RTN4: variants seen among roughly 807,000 people sequenced by gnomAD.
The protein encoded by RTN4 is reticulon 4, also known as reticulon-4.
A neutral mutation model predicts 90.4 loss-of-function variants in RTN4; 32 were observed. The observed-to-expected ratio is 0.35, with a 90% CI of 0.27 to 0.48. The LOEUF is 0.48. RTN4 is among the 20% of genes least tolerant of loss of function. The probability of loss-of-function intolerance (pLI) is 0.99; values close to 1 mark genes in which losing one functional copy is unlikely to be tolerated. For synonymous variants in RTN4, 629 were observed against 552.5 expected, an observed-to-expected ratio of 1.14 and a Z score of -1.94; for missense variants, 1,706 against 1,430.2, an observed-to-expected ratio of 1.19 and a Z score of -3.11.
At chr2:55,088,117 A>T (rs2105040621) in intron 1 of RTN4, among the ~76,000 whole-genome samples, 1 of 152,336 alleles carries the variant, frequency 6.6e-6, no homozygotes, top group South Asian at 2.1e-4. Context: ...CAGCTAGCAC[A>T]GTTATCTCAA....
chr2:54,975,370 T>C (rs1185925904), intron 5 of RTN4, among the ~76,000 whole-genome samples: 1 of 152,222 alleles, frequency 6.6e-6, no homozygotes, highest in Non-Finnish European at 1.5e-5. Flanking sequence ...GGCAATCACT[T>C]TGACCTACTT....
intron 1 of RTN4, among the ~76,000 whole-genome samples, chr2:55,028,473 T>A (rs1309113976): frequency 6.6e-6 from 1 of 152,220 alleles, no homozygotes; most frequent in Non-Finnish European, 1.5e-5. Flanking sequence ...AACCTGTTTA[T>A]GTTAAAGAAA....
At chr2:55,100,654 TA>T (rs1316397537) in intron 1 of RTN4, among the ~76,000 whole-genome samples, 1 of 152,116 alleles carries the variant, frequency 6.6e-6, no homozygotes, top group East Asian at 1.9e-4. Flanking sequence ...CTAAAGTAGT[TA>T]AATCAAAGTT....
At position 55,025,636 on chromosome 2, in the gene RTN4, T is replaced by C. The variant is rs1387997071; in HGVS notation, c.2463A>G (p.Thr821=). The C allele has an allele frequency of 1.2e-6, 2 of 1,613,658 alleles. No individual in the cohort carries two copies. Among genetic ancestry groups the C allele is most frequent in the African/African-American group, 2.7e-5 (2 of 74,908 alleles). The change falls in exon 3 of 9, where the codon ACA becomes ACG. Residue 821 remains threonine, a synonymous_variant. Coordinates refer to ENST00000337526, the MANE Select transcript of RTN4 (RefSeq NM_020532.5). ...KDTLLPDEVS[T]LSKKEKIPLQ... ...AAGGAATTTTCTCCTTTTTGCTCAA[T>C]GTTGAAACTTCATCAGGTAACAGGG...
chr2:55,049,711 G>A (rs1667989028), intron 1 of RTN4, 34 bp downstream of exon 1: 8 of 1,411,850 alleles, frequency 5.7e-6, no homozygotes, highest in Non-Finnish European at 6.5e-6. Flanking sequence ...AGGGGCGCGA[G>A]GGGCGGCGCG....
At chr2:55,037,731 A>T (rs1355558277) in intron 1 of RTN4, among the ~76,000 whole-genome samples, 1 of 152,148 alleles carries the variant, frequency 6.6e-6, no homozygotes, top group Non-Finnish European at 1.5e-5. Context: ...CCCCCCTACT[A>T]ATCTCTAGAT....
upstream of RTN4, among the ~76,000 whole-genome samples, chr2:55,115,896 T>G (rs912226833): frequency 1.3e-5 from 2 of 152,128 alleles, no homozygotes; most frequent in Non-Finnish European, 2.9e-5. Context: ...CTTGAAACAT[T>G]TTGATGACTC....
Position 55,049,885 on chromosome 2 carries a change from G to A in RTN4, c.416C>T (p.Pro139Leu), listed in dbSNP as rs926328828. ...SPSKLPEDDE[P>L]PARPPPPPPA... ...GGGAGGAGGGGGAGGCCGGGCCGGAGGCTCGTCGTCCTCAGGGAGCTTGGA... is the reference window on the plus strand; with the variant it reads ...GGGAGGAGGGGGAGGCCGGGCCGGAAGCTCGTCGTCCTCAGGGAGCTTGGA... The change falls in exon 1 of 9, where the codon CCT becomes CTT. Residue 139 changes from proline (P) to leucine (L), a missense_variant. By Grantham distance (98) the Pro-to-Leu change is moderately conservative. Coordinates refer to ENST00000337526, the MANE Select transcript of RTN4 (RefSeq NM_020532.5). 1.4e-5 allele frequency: 19 copies of A among 1,321,418 alleles called. No homozygotes were observed. The highest frequency in any genetic ancestry group is 1.1e-4 in the African/African-American group (7 of 64,776). The allele number at this position is 1,321,418 out of a possible 1,614,324, so 81.9% of individuals were successfully genotyped here.
chr2:55,000,415 T>C (rs934311271), intron 3 of RTN4, among the ~76,000 whole-genome samples: 1 of 152,178 alleles, frequency 6.6e-6, no homozygotes, highest in Non-Finnish European at 1.5e-5. Context: ...AACGTTACAG[T>C]GCTTTGGCGA....
At chr2:55,019,828 G>A (rs1349829447) in intron 3 of RTN4, among the ~76,000 whole-genome samples, 1 of 152,006 alleles carries the variant, frequency 6.6e-6, no homozygotes, top group Non-Finnish European at 1.5e-5. Context: ...AAAACCTAAA[G>A]ACTACCAAAA....
chr2:55,034,919 AT>A (rs1207565023), intron 1 of RTN4, among the ~76,000 whole-genome samples: 1 of 152,220 alleles, frequency 6.6e-6, no homozygotes, highest in East Asian at 1.9e-4. Flanking sequence ...GTGGTATAAT[AT>A]TCTTGCTATT....
At chr2:55,040,778 G>C (rs1388951302) in intron 1 of RTN4, among the ~76,000 whole-genome samples, 1 of 150,708 alleles carries the variant, frequency 6.6e-6, no homozygotes, top group Non-Finnish European at 1.5e-5. Flanking sequence ...CTCTTACTCA[G>C]CCCTAGGCCT....
chr2:55,028,062 T>C, intron 2 of RTN4, 102 bp downstream of exon 2: 1 of 940,500 alleles, frequency 1.1e-6, no homozygotes, highest in African/African-American at 1.7e-5. Context: ...CTCGGAACCA[T>C]GCTAATTTTT....
At chr2:55,035,467 A>G (rs147340161) in intron 1 of RTN4, among the ~76,000 whole-genome samples, 35 of 152,314 alleles carry the variant, frequency 2.3e-4, no homozygotes, top group African/African-American at 7.5e-4. Context: ...GGGATGCAGC[A>G]AAGTAATGCT....
chr2:55,053,294 A>G (rs892981916), upstream of RTN4, among the ~76,000 whole-genome samples: 2 of 152,228 alleles, frequency 1.3e-5, no homozygotes, highest in African/African-American at 4.8e-5. Flanking sequence ...CACTATCACT[A>G]ACAAAATTCT....
At chr2:55,110,803 G>A (rs1668024750) in intron 1 of RTN4, among the ~76,000 whole-genome samples, 1 of 152,216 alleles carries the variant, frequency 6.6e-6, no homozygotes, top group Non-Finnish European at 1.5e-5. Context: ...CACTTTGGGA[G>A]GCCAAGGCAG....
rs199947972 is a variant in RTN4 at position 55,028,202 on chromosome 2, A to G, written c.575T>C (p.Leu192Pro). 60 of 1,613,002 alleles carry G rather than the reference A, an allele frequency of 3.7e-5. No homozygotes were observed. The highest frequency in any genetic ancestry group is 4.7e-5 in the Non-Finnish European group (55 of 1,179,472). Reference sequence around the variant, plus strand: ...TATCACAGGCTCAGATGCAGCAGGAAGAGCAAAAAGGGTCTCATCTGAAAA... The same window carrying G: ...TATCACAGGCTCAGATGCAGCAGGAGGAGCAAAAAGGGTCTCATCTGAAAA... ...SGSVDETLFA[L>P]PAASEPVIRS... The change falls in exon 2 of 9, where the codon CTT becomes CCT. Residue 192 changes from leucine (L) to proline (P), a missense_variant. Leu to Pro is a moderately conservative substitution (Grantham distance 98). Coordinates refer to ENST00000337526, the MANE Select transcript of RTN4 (RefSeq NM_020532.5).
At chr2:55,051,265 A>G (rs1298404815), upstream of RTN4, among the ~76,000 whole-genome samples, 1 of 152,100 alleles carries the variant, frequency 6.6e-6, no homozygotes, top group Admixed American at 6.5e-5. Flanking sequence ...ATGGTAAGAG[A>G]GTGAGTCACC....
At chr2:55,055,788 A>C (rs974768583), upstream of RTN4, among the ~76,000 whole-genome samples, 2 of 151,582 alleles carry the variant, frequency 1.3e-5, no homozygotes, top group African/African-American at 2.4e-5. Flanking sequence ...AAACAAAAAA[A>C]ACAAAAACAA....
Sources: gnomAD v4.1 joint callset for allele counts (sites outside exome capture counted in the v4.1 genomes callset) on GRCh38, gnomAD v4.1.1 for gene constraint, MANE v1.5 for transcripts, NCBI Gene and HGNC (gene_info 2026-07-23, HGNC 2026-07-21) for gene names.